The following CRACD variants were observed in gnomAD, a reference collection of about 807,000 sequenced individuals.
CRACD encodes capping protein-inhibiting regulator of actin dynamics.
A neutral mutation model predicts 106.8 loss-of-function variants in CRACD; 56 were observed. The ratio of observed to expected loss-of-function variants is 0.52; its 90% CI spans 0.42 to 0.66. The LOEUF is 0.66. Among genes scored for constraint, CRACD ranks in the 30% least tolerant of loss-of-function variants. CRACD has a pLI of 0.00. For missense variants in CRACD, 1,730 were observed against 1,623.2 expected, an observed-to-expected ratio of 1.07 and a Z score of -1.13; for synonymous variants, 754 against 670.8, an observed-to-expected ratio of 1.12 and a Z score of -1.92.
chr4:56,058,071 C>T (rs989608679), intron 1 of CRACD, among the ~76,000 whole-genome samples: 2 of 151,528 alleles, frequency 1.3e-5, no homozygotes, highest in Non-Finnish European at 2.9e-5. Flanking sequence ...ATCCACTCAC[C>T]TCAGCCTCCC....
At position 56,072,617 on chromosome 4, in the gene CRACD, T is replaced by A. The variant is rs557204824; in HGVS notation, c.-336+23318T>A. On this transcript the variant is annotated intron_variant, in intron 1 of 10. Coordinates refer to ENST00000682029, the MANE Select transcript of CRACD (RefSeq NM_001393381.1). ...CTTTCTTTCTTTCTTTCTTTTTTTT[T>A]AAGTATTCTTTAAGTCCTGGGATAC... Among the ~76,000 whole-genome samples, 106 of 152,252 alleles carry A rather than the reference T, an allele frequency of 7.0e-4. 1 individual carries two copies. Among genetic ancestry groups the A allele is most frequent in the African/African-American group, 2.3e-3 (95 of 41,534 alleles).
intron 1 of CRACD, among the ~76,000 whole-genome samples, chr4:56,170,833 T>C (rs1736333007): frequency 6.6e-6 from 1 of 152,196 alleles, no homozygotes; most frequent in South Asian, 2.1e-4. Context: ...GATGAGACCC[T>C]ATCTCTTAAA....
chr4:56,238,258 C>T (rs913900780), intron 2 of CRACD, among the ~76,000 whole-genome samples: 1 of 152,306 alleles, frequency 6.6e-6, no homozygotes, highest in East Asian at 1.9e-4. Flanking sequence ...TGTGTGTTGC[C>T]AGTGCTGGGA....
intron 1 of CRACD, among the ~76,000 whole-genome samples, chr4:56,154,886 G>T (rs1262555715): frequency 6.6e-6 from 1 of 152,136 alleles, no homozygotes; most frequent in Non-Finnish European, 1.5e-5. Context: ...TGAGGTATTT[G>T]ACCAAATATC....
At chr4:56,109,901 AT>A (rs1560453767) in intron 1 of CRACD, among the ~76,000 whole-genome samples, 1 of 152,134 alleles carries the variant, frequency 6.6e-6, no homozygotes, top group Non-Finnish European at 1.5e-5. Context: ...AGAGGGACAA[AT>A]GGGAGAGAGT....
intron 2 of CRACD, among the ~76,000 whole-genome samples, chr4:56,234,666 A>G (rs1187524749): frequency 6.6e-6 from 1 of 152,222 alleles, no homozygotes; most frequent in Non-Finnish European, 1.5e-5. Flanking sequence ...AAGAATGGTT[A>G]AAGAGCCAGG....
At chr4:56,137,486 G>C (rs1735042539) in intron 1 of CRACD, among the ~76,000 whole-genome samples, 1 of 151,970 alleles carries the variant, frequency 6.6e-6, no homozygotes, top group Admixed American at 6.6e-5. Context: ...GCATTCCCAG[G>C]GCTCACCTCC....
intron 1 of CRACD, among the ~76,000 whole-genome samples, chr4:56,092,826 C>A: frequency 6.6e-6 from 1 of 152,178 alleles, no homozygotes; most frequent in Non-Finnish European, 1.5e-5. Context: ...AGGCTCGTCT[C>A]GAACTCCTGC....
intron 3 of CRACD, among the ~76,000 whole-genome samples, chr4:56,297,268 C>T (rs764474432): frequency 6.6e-6 from 1 of 152,072 alleles, no homozygotes; most frequent in African/African-American, 2.4e-5. Context: ...CGGCTTATAC[C>T]TCATTGTCTG....
chr4:56,067,636 C>T (rs1732504899), intron 1 of CRACD, among the ~76,000 whole-genome samples: 1 of 152,174 alleles, frequency 6.6e-6, no homozygotes, highest in Non-Finnish European at 1.5e-5. Flanking sequence ...AGTGCAGTGG[C>T]ATGGTCTCGG....
At chr4:56,216,973 C>T (rs1414212310) in intron 2 of CRACD, among the ~76,000 whole-genome samples, 6 of 119,838 alleles carry the variant, frequency 5.0e-5, no homozygotes, top group Admixed American at 1.2e-4. Flanking sequence ...GGCGACAGAG[C>T]GAGACTCCGT....
At chr4:56,158,742 C>T (rs866263118) in intron 1 of CRACD, among the ~76,000 whole-genome samples, 4 of 152,174 alleles carry the variant, frequency 2.6e-5, no homozygotes, top group East Asian at 1.9e-4. Flanking sequence ...ACAGAGCTGA[C>T]GCAGCCATCA....
intron 3 of CRACD, among the ~76,000 whole-genome samples, chr4:56,277,541 A>T (rs1742746300): frequency 6.6e-6 from 1 of 152,136 alleles, no homozygotes; most frequent in Non-Finnish European, 1.5e-5. Flanking sequence ...AGCTAATATC[A>T]TATTTAATGA....
intron 2 of CRACD, among the ~76,000 whole-genome samples, chr4:56,194,061 C>G (rs1737498979): frequency 6.6e-6 from 1 of 152,154 alleles, no homozygotes; most frequent in Non-Finnish European, 1.5e-5. Flanking sequence ...ACATAGTGAA[C>G]TATCTTGATA....
chr4:56,175,930 T>C (rs1014099361), intron 1 of CRACD, among the ~76,000 whole-genome samples: 10 of 152,228 alleles, frequency 6.6e-5, no homozygotes, highest in Non-Finnish European at 1.5e-4. Flanking sequence ...ACATTTAATC[T>C]TTAATTCATT....
Position 56,081,160 on chromosome 4 carries a change from G to A in CRACD, c.-336+31861G>A, listed in dbSNP as rs564433567. Among the ~76,000 whole-genome samples the A allele has an allele frequency of 1.4e-4, 21 of 152,280 alleles. 1 individual carries two copies. In the South Asian group the frequency reaches 4.3e-3, roughly 32 times the overall value. ...GGCATGAGCCCCTGATCCTGGCCCT[G>A]TCTTTTGTTCAAATTATCTCATATC... is the stretch of plus-strand genomic sequence containing the variant. On this transcript the variant is annotated intron_variant, in intron 1 of 10. Transcript: ENST00000682029.
intron 1 of CRACD, among the ~76,000 whole-genome samples, chr4:56,075,023 C>T (rs1732792236): frequency 1.3e-5 from 2 of 152,044 alleles, no homozygotes; most frequent in African/African-American, 4.8e-5. Flanking sequence ...GCTTTGCATC[C>T]CAGGGATGAA....
chr4:56,060,323 T>C (rs17086250), intron 1 of CRACD, among the ~76,000 whole-genome samples: 2,706 of 146,158 alleles, frequency 0.019, 85 homozygotes, highest in African/African-American at 0.067. Flanking sequence ...AAGACAGGGC[T>C]GAATTTAAAG....
At chr4:56,301,325 A>G (rs1422253081) in intron 4 of CRACD, 15 of 1,004,102 alleles carry the variant, frequency 1.5e-5, no homozygotes, top group Non-Finnish European at 2.0e-5. Context: ...TGATGCTGGT[A>G]TTGATGCTTA....
Sources: allele counts gnomAD v4.1 joint callset (sites outside exome capture counted in the v4.1 genomes callset), GRCh38; gene constraint gnomAD v4.1.1; transcripts MANE v1.5; gene names NCBI Gene and HGNC (gene_info 2026-07-23, HGNC 2026-07-21).